Variants in CCNH observed in about 807,000 individuals in gnomAD.
CCNH encodes the protein cyclin H.
Under a neutral mutation model 41.9 loss-of-function variants are expected in CCNH, and 31 were observed. The ratio of observed to expected loss-of-function variants is 0.74; its 90% confidence interval spans 0.56 to 1.00. The LOEUF is 1.00. Among genes scored for constraint, CCNH ranks in the 50% least tolerant of loss-of-function variants. The probability of loss-of-function intolerance (pLI) is 0.00; values close to 1 mark genes in which losing one functional copy is unlikely to be tolerated. For synonymous variants in CCNH, 138 were observed against 136.1 expected, an observed-to-expected ratio of 1.01 and a Z score of -0.10; for missense variants, 362 against 388.4, an observed-to-expected ratio of 0.93 and a Z score of 0.57.
intron 9 of CCNH, among the ~76,000 whole-genome samples, chr5:87,353,547 A>G (rs548140692): frequency 1.3e-5 from 2 of 152,214 alleles, no homozygotes; most frequent in South Asian, 4.1e-4. Context: ...AGCCAGGATT[A>G]TTAAAGCCTG....
chr5:87,329,130 CA>C (rs1331198503), intron 9 of CCNH, among the ~76,000 whole-genome samples: 1 of 151,902 alleles, frequency 6.6e-6, no homozygotes, highest in Non-Finnish European at 1.5e-5. Flanking sequence ...TTTTAATGCT[CA>C]GATCTTAGAA....
intron 9 of CCNH, chr5:87,346,621 A>T (rs756368710): frequency 1.6e-6 from 2 of 1,215,380 alleles, no homozygotes; most frequent in African/African-American, 1.5e-5. Context: ...TGATCATATG[A>T]TAACAGCAAA....
chr5:87,354,836 A>T (rs1759532523), intron 9 of CCNH, among the ~76,000 whole-genome samples: 1 of 152,212 alleles, frequency 6.6e-6, no homozygotes, highest in African/African-American at 2.4e-5. Context: ...AATGATTAAT[A>T]AAGTGAAACA....
At chr5:87,388,776 T>C (rs2112522743), downstream of CCNH, among the ~76,000 whole-genome samples, 1 of 152,288 alleles carries the variant, frequency 6.6e-6, no homozygotes, top group South Asian at 2.1e-4. Context: ...ATTATCAACT[T>C]AGACAAACTA....
chr5:87,410,708 A>G (rs1441116066), intron 2 of CCNH, among the ~76,000 whole-genome samples: 1 of 152,122 alleles, frequency 6.6e-6, no homozygotes, highest in Non-Finnish European at 1.5e-5. Flanking sequence ...CACCCCAGCA[A>G]AAAACAAATA....
chr5:87,333,263 C>A, intron 9 of CCNH: 1 of 1,605,072 alleles, frequency 6.2e-7, no homozygotes. Flanking sequence ...TTTATGGTTT[C>A]TAGCCAGTAG....
At chr5:87,408,232 G>A (rs1763950789) in intron 3 of CCNH, 46 bp from the exon 4 acceptor site, 2 of 870,072 alleles carry the variant, frequency 2.3e-6, no homozygotes, top group African/African-American at 1.7e-5. Flanking sequence ...TGGGTGGGGT[G>A]GAAGAACATG....
downstream of CCNH, chr5:87,372,199 A>G (rs761973636): frequency 6.2e-7 from 1 of 1,612,474 alleles, no homozygotes; most frequent in Admixed American, 1.7e-5. Context: ...TCGTCAGGTG[A>G]AGCTTAATTT....
At chr5:87,345,419 T>A (rs1235630202) in intron 9 of CCNH, among the ~76,000 whole-genome samples, 1 of 152,168 alleles carries the variant, frequency 6.6e-6, no homozygotes, top group African/African-American at 2.4e-5. Flanking sequence ...GTCATGTAGT[T>A]GACTGTCCTC....
chr5:87,349,116 A>G, intron 9 of CCNH: 1 of 1,385,606 alleles, frequency 7.2e-7, no homozygotes, highest in Non-Finnish European at 1.0e-6. Flanking sequence ...AAATTTACAT[A>G]TGTTTATGAC....
At position 87,394,995 on chromosome 5, in the gene CCNH, G is replaced by A. The variant is rs371869417; in HGVS notation, c.933+49C>T. The A allele has an allele frequency of 8.7e-5, 141 of 1,612,074 alleles. No homozygotes were observed. In the African/African-American group the frequency reaches 1.8e-3, roughly 20 times the overall value. The stretch of plus-strand genomic sequence containing the variant: ...AAATCTTAACAGTATAGTCACACCA[G>A]AATGTATAACAAAAATAACTTAGAG... On this transcript the variant is annotated intron_variant, in intron 8 of 8. Coordinates refer to ENST00000256897, the MANE Select transcript of CCNH (RefSeq NM_001239.4).
chr5:87,399,288 ATCAG>A (rs1483468467), intron 7 of CCNH, 102 bp downstream of exon 7: 1 of 777,034 alleles, frequency 1.3e-6, no homozygotes, highest in African/African-American at 1.7e-5. Flanking sequence ...GATTTTATGG[ATCAG>A]TCAGCTTTCC....
intron 9 of CCNH, among the ~76,000 whole-genome samples, chr5:87,325,998 GTC>G (rs1281293792): frequency 6.6e-6 from 1 of 151,966 alleles, no homozygotes; most frequent in Non-Finnish European, 1.5e-5. Context: ...CTGTGACAGG[GTC>G]TCTCTCTGTT....
chr5:87,366,331 G>C (rs1459160972), intron 9 of CCNH: 5 of 400,254 alleles, frequency 1.2e-5, no homozygotes, highest in Non-Finnish European at 2.6e-5. Flanking sequence ...GCATTATTTT[G>C]ATATAGTTTA....
chr5:87,374,774 A>C (rs745897288), downstream of CCNH: 15 of 1,593,396 alleles, frequency 9.4e-6, no homozygotes, highest in Admixed American at 1.7e-4. Context: ...TGATACTAGA[A>C]CTAAAGAAAT....
At chr5:87,388,057 AC>A (rs1439912985), downstream of CCNH, among the ~76,000 whole-genome samples, 3 of 152,092 alleles carry the variant, frequency 2.0e-5, no homozygotes, top group Non-Finnish European at 4.4e-5. Context: ...CTTTTGCTGA[AC>A]CCCAAACATG....
downstream of CCNH, among the ~76,000 whole-genome samples, chr5:87,388,550 A>T (rs1762230419): frequency 6.6e-6 from 1 of 152,200 alleles, no homozygotes. Context: ...CCAAAATCCG[A>T]AACACTTCTG....
chr5:87,359,376 C>G (rs750380036), intron 9 of CCNH, among the ~76,000 whole-genome samples: 6 of 152,100 alleles, frequency 3.9e-5, no homozygotes, highest in Admixed American at 6.6e-5. Context: ...CGTAGAGAAG[C>G]CTTTCTCCTC....
At chr5:87,372,184 C>T (rs746430799), downstream of CCNH, 6 of 1,613,302 alleles carry the variant, frequency 3.7e-6, no homozygotes, top group South Asian at 1.1e-5. Flanking sequence ...ATCCAATAAA[C>T]GCCTTCGTCA....
Sources: gnomAD v4.1 joint callset for allele counts (sites outside exome capture counted in the v4.1 genomes callset) on GRCh38, gnomAD v4.1.1 for gene constraint, MANE v1.5 for transcripts, NCBI Gene and HGNC (gene_info 2026-07-23, HGNC 2026-07-21) for gene names.